COL5A2: variants seen among roughly 807,000 people sequenced by gnomAD.
COL5A2 encodes the protein collagen type V alpha 2 chain.
COL5A2 carries 23 observed loss-of-function variants against 208.2 expected under a neutral mutation model. The ratio of observed to expected loss-of-function variants is 0.11; its 90% CI spans 0.08 to 0.16. The LOEUF (loss-of-function observed/expected upper bound fraction) is 0.16. COL5A2 is among the 10% of genes least tolerant of loss of function. COL5A2 has a pLI of 1.00. For synonymous variants in COL5A2, 625 were observed against 628.5 expected, an observed-to-expected ratio of 0.99 and a Z score of 0.08; for missense variants, 1,590 against 1,956.4, an observed-to-expected ratio of 0.81 and a Z score of 3.53.
intron 1 of COL5A2, among the ~76,000 whole-genome samples, chr2:189,124,415 A>C (rs1475776986): frequency 6.6e-6 from 1 of 152,134 alleles, no homozygotes; most frequent in Non-Finnish European, 1.5e-5. Flanking sequence ...TTGCATACCA[A>C]CTATTATTTA....
chr2:189,107,080 T>C (rs547446497), intron 2 of COL5A2, among the ~76,000 whole-genome samples: 1 of 151,638 alleles, frequency 6.6e-6, no homozygotes, highest in African/African-American at 2.4e-5. Context: ...TCCTTCATAG[T>C]AAAACTTTGA....
At chr2:189,078,739 C>T (rs892302430) in intron 15 of COL5A2, among the ~76,000 whole-genome samples, 170 bp from the exon 16 acceptor site, 2 of 152,116 alleles carry the variant, frequency 1.3e-5, no homozygotes, top group Non-Finnish European at 2.9e-5. Context: ...AGATAAATAA[C>T]CTATCACCTC....
the COL5A2 span, among the ~76,000 whole-genome samples, chr2:189,275,862 T>C: frequency 6.6e-6 from 1 of 152,194 alleles, no homozygotes; most frequent in African/African-American, 2.4e-5. Context: ...TTACTATTAG[T>C]TTACTCTGTT....
upstream of COL5A2, among the ~76,000 whole-genome samples, chr2:189,229,219 G>A (rs1689451970): frequency 6.6e-6 from 1 of 151,530 alleles, no homozygotes. Context: ...ATGAAAAACT[G>A]ATAGTTTTTC....
Position 189,129,484 on chromosome 2 carries a change from G to A in COL5A2, c.98-19035C>T, listed in dbSNP as rs965106038. 5.9e-5 allele frequency among the ~76,000 whole-genome samples: 9 copies of A among 152,112 alleles called. 1 individual carries two copies. The highest frequency in any genetic ancestry group is 5.2e-4 in the Admixed American group (8 of 15,272). ...TCCTTGAATTATTCAGAAATGAAGA[G>A]AAAATGGTGTAAATAAAATAATAAT... is the stretch of plus-strand genomic sequence containing the variant. On this transcript the variant is annotated intron_variant, in intron 1 of 53. Coordinates refer to ENST00000374866, the MANE Select transcript of COL5A2 (RefSeq NM_000393.5).
chr2:189,104,402 T>C (rs1342619541), intron 2 of COL5A2, 125 bp from the exon 3 acceptor site: 1 of 733,230 alleles, frequency 1.4e-6, no homozygotes, highest in Non-Finnish European at 2.4e-6. Flanking sequence ...GATTACACTA[T>C]CAGCAGTAAG....
the COL5A2 span, among the ~76,000 whole-genome samples, chr2:189,356,400 T>C: frequency 6.6e-6 from 1 of 152,244 alleles, no homozygotes. Context: ...TCTTTTCACA[T>C]AGTTCCATAT....
At chr2:189,115,402 TG>T (rs939759240) in intron 1 of COL5A2, among the ~76,000 whole-genome samples, 23 of 142,352 alleles carry the variant, frequency 1.6e-4, no homozygotes, top group East Asian at 6.1e-4. Flanking sequence ...ATTACACCTG[TG>T]GGGGAAAAAA....
the COL5A2 span, among the ~76,000 whole-genome samples, chr2:189,310,817 C>A: frequency 6.6e-6 from 1 of 151,894 alleles, no homozygotes; most frequent in African/African-American, 2.4e-5. Flanking sequence ...GCAAAATAAA[C>A]CAGGCACAGA....
chr2:189,258,044 G>A, the COL5A2 span, among the ~76,000 whole-genome samples: 7 of 152,144 alleles, frequency 4.6e-5, no homozygotes, highest in African/African-American at 1.7e-4. Context: ...AACCTGGGAG[G>A]CAGAGCTTGC....
At chr2:189,396,680 A>G in the COL5A2 span, among the ~76,000 whole-genome samples, 1 of 143,280 alleles carries the variant, frequency 7.0e-6, no homozygotes, top group East Asian at 2.1e-4. Context: ...TTAAAAAAAA[A>G]AAAAAAAAAA....
At chr2:189,320,080 T>G in the COL5A2 span, among the ~76,000 whole-genome samples, 1 of 152,060 alleles carries the variant, frequency 6.6e-6, no homozygotes, top group Non-Finnish European at 1.5e-5. Context: ...TCCCGCAAAT[T>G]CCAACAGACC....
In COL5A2 at chr2:189,063,968, T is replaced by A. The variant is rs915090349; in HGVS notation, c.1770+12A>T. On this transcript the variant is annotated intron_variant, in intron 26 of 53. Coordinates refer to ENST00000374866, the MANE Select transcript of COL5A2 (RefSeq NM_000393.5). Reference sequence around the variant, plus strand: ...ATATTAGTGGTTGTGGACTTCTGTTTAAATTACTTACCAAAGGTCCAAGTT... The same window carrying A: ...ATATTAGTGGTTGTGGACTTCTGTTAAAATTACTTACCAAAGGTCCAAGTT... The A allele has an allele frequency of 6.2e-7, 1 of 1,606,832 alleles. No homozygotes were observed. The highest frequency in any genetic ancestry group is 8.5e-7 in the Non-Finnish European group (1 of 1,173,842).
intron 1 of COL5A2, among the ~76,000 whole-genome samples, chr2:189,167,536 G>A (rs1688489780): frequency 6.6e-6 from 1 of 151,822 alleles, no homozygotes; most frequent in African/African-American, 2.4e-5. Context: ...TTGTGTCTAA[G>A]CAAAATTCAG....
chr2:189,093,063 A>T (rs1686822184), intron 6 of COL5A2, among the ~76,000 whole-genome samples: 1 of 152,188 alleles, frequency 6.6e-6, no homozygotes, highest in Non-Finnish European at 1.5e-5. Context: ...TTGAGAAATT[A>T]GAGGCAAAGG....
chr2:189,125,433 A>G (rs547880696), intron 1 of COL5A2, among the ~76,000 whole-genome samples: 1 of 152,216 alleles, frequency 6.6e-6, no homozygotes, highest in East Asian at 1.9e-4. Flanking sequence ...TTGAATCTTG[A>G]GCAACACAGG....
In COL5A2 at chr2:189,203,865, CCTGT is replaced by C. The variant is rs550925215; in HGVS notation, c.-42+21279_-42+21282del. Among the ~76,000 whole-genome samples, 848 of 151,786 alleles carry C rather than the reference CCTGT, an allele frequency of 5.6e-3. 5 individuals are homozygous for C. The highest frequency in any genetic ancestry group is 9.5e-3 in the Non-Finnish European group (648 of 67,932). On this transcript the variant is annotated intron_variant, in intron 1 of 10. Transcript: ENST00000649966. ...TTGGAGAACTTAGTCTGTAACTTTC[CCTGT>C]CTAAGAATGAACCATTTTCTTTTTT...
intron 1 of COL5A2, among the ~76,000 whole-genome samples, chr2:189,199,491 G>A (rs1689045186): frequency 6.6e-6 from 1 of 151,970 alleles, no homozygotes; most frequent in African/African-American, 2.4e-5. Flanking sequence ...AGGCACAAGG[G>A]CAAAAAAAGG....
the COL5A2 span, among the ~76,000 whole-genome samples, chr2:189,267,055 A>G: frequency 6.6e-6 from 1 of 152,108 alleles, no homozygotes; most frequent in African/African-American, 2.4e-5. Flanking sequence ...CAACAAGAAT[A>G]TATAATACAA....
Sources: gnomAD v4.1 joint callset for allele counts (sites outside exome capture counted in the v4.1 genomes callset) on GRCh38, gnomAD v4.1.1 for gene constraint, MANE v1.5 for transcripts, NCBI Gene and HGNC (gene_info 2026-07-23, HGNC 2026-07-21) for gene names.